SLC1A1: variants seen among roughly 807,000 people sequenced by gnomAD.
The protein encoded by SLC1A1 is excitatory amino acid transporter 3.
A neutral mutation model predicts 53.3 loss-of-function variants in SLC1A1; 43 were observed. That is an observed-to-expected ratio of 0.81 (90% CI 0.63 to 1.04). The LOEUF (loss-of-function observed/expected upper bound fraction) is 1.04. SLC1A1 is among the 50% of genes least tolerant of loss of function. The pLI is 0.00. For synonymous variants in SLC1A1, 307 were observed against 243.2 expected, an observed-to-expected ratio of 1.26 and a Z score of -2.44; for missense variants, 748 against 664.9, an observed-to-expected ratio of 1.12 and a Z score of -1.37.
At chr9:4,511,520 G>A (rs1046279712) in intron 1 of SLC1A1, among the ~76,000 whole-genome samples, 3 of 150,796 alleles carry the variant, frequency 2.0e-5, no homozygotes, top group Non-Finnish European at 4.4e-5. Flanking sequence ...CCATAGCAGA[G>A]GAGAAGAAAA....
intron 10 of SLC1A1, among the ~76,000 whole-genome samples, chr9:4,581,085 C>G (rs1165812909): frequency 6.6e-6 from 1 of 152,194 alleles, no homozygotes; most frequent in Non-Finnish European, 1.5e-5. Context: ...CTGTCCCCAT[C>G]TTACAGGCAA....
At chr9:4,528,714 G>A (rs147518726) in intron 1 of SLC1A1, among the ~76,000 whole-genome samples, 1 of 152,156 alleles carries the variant, frequency 6.6e-6, no homozygotes, top group Non-Finnish European at 1.5e-5. Context: ...GATAAATTGA[G>A]CCCTAACCTT....
Position 4,495,537 on chromosome 9 carries a change from A to AG in SLC1A1, c.91+4771dup, listed in dbSNP as rs1491559430. Among the ~76,000 whole-genome samples the AG allele has an allele frequency of 2.0e-5, 3 of 152,280 alleles. No homozygotes were observed. In the East Asian group the frequency reaches 5.8e-4, roughly 29 times the overall value. Reference sequence around the variant, plus strand: ...GGGTTGCAATTTTAAACAGGGTGACAGGGGAGGCCATACTGAGAAGGTGAC... The same window carrying AG: ...GGGTTGCAATTTTAAACAGGGTGACAGGGGGAGGCCATACTGAGAAGGTGAC... On this transcript the variant is annotated intron_variant, in intron 1 of 11. Coordinates refer to ENST00000262352, the MANE Select transcript of SLC1A1 (RefSeq NM_004170.6).
chr9:4,573,213 G>C (rs1461663011), intron 7 of SLC1A1, among the ~76,000 whole-genome samples: 1 of 152,128 alleles, frequency 6.6e-6, no homozygotes, highest in South Asian at 2.1e-4. Flanking sequence ...GGATGCATCT[G>C]TCTCGCTTAC....
chr9:4,585,238 G>T (rs1821482913), intron 11 of SLC1A1, 74 bp from the exon 12 acceptor site: 56 of 1,580,794 alleles, frequency 3.5e-5, no homozygotes, highest in Non-Finnish European at 4.3e-5. Flanking sequence ...AACATGTCAG[G>T]TCCTTGCATC....
In SLC1A1 at chr9:4,564,410, G is replaced by T; in HGVS notation, c.392G>T (p.Gly131Val). ...AAAGTGGGTGAAATTGCGAGGACAG[G>T]CAGCACCCCTGAAGTCAGTACGGTG... Reference protein sequence around the residue: ...TQKVGEIARTGSTPEVSTVDA... With the variant: ...TQKVGEIARTVSTPEVSTVDA... The change falls in exon 4 of 12, where the codon GGC becomes GTC. Residue 131 changes from glycine to valine, a missense_variant. Transcript: ENST00000262352. 1.9e-6 allele frequency: 3 copies of T among 1,613,882 alleles called. No homozygotes were observed. The South Asian group carries it at 3.3e-5, about 18-fold the overall frequency.
At chr9:4,530,556 C>G (rs1816430555) in intron 1 of SLC1A1, among the ~76,000 whole-genome samples, 1 of 152,172 alleles carries the variant, frequency 6.6e-6, no homozygotes, top group Non-Finnish European at 1.5e-5. Flanking sequence ...ATCAACTTTT[C>G]TTCTGAGTCA....
intron 1 of SLC1A1, among the ~76,000 whole-genome samples, chr9:4,521,808 G>C (rs1438942786): frequency 6.6e-6 from 1 of 150,746 alleles, no homozygotes; most frequent in Non-Finnish European, 1.5e-5. Context: ...AAGTGGGAGA[G>C]AAAGTCAGCG....
chr9:4,569,435 A>G (rs540792278), intron 6 of SLC1A1, among the ~76,000 whole-genome samples: 1 of 152,332 alleles, frequency 6.6e-6, no homozygotes, highest in South Asian at 2.1e-4. Flanking sequence ...ATTTGCTGCC[A>G]AAAGAGTTTG....
At chr9:4,567,623 A>C in intron 5 of SLC1A1, 46 bp from the exon 6 acceptor site, 1 of 1,317,790 alleles carries the variant, frequency 7.6e-7, no homozygotes, top group African/African-American at 1.4e-5. Flanking sequence ...AGCTTAAAAA[A>C]AATTCTTTTT....
At chr9:4,526,806 T>C (rs765469913) in intron 1 of SLC1A1, among the ~76,000 whole-genome samples, 8 of 151,648 alleles carry the variant, frequency 5.3e-5, no homozygotes, top group Non-Finnish European at 8.8e-5. Context: ...ATAGTTGTAG[T>C]AGGCAGTTCT....
At chr9:4,523,629 C>A (rs186267431) in intron 1 of SLC1A1, among the ~76,000 whole-genome samples, 1 of 152,200 alleles carries the variant, frequency 6.6e-6, no homozygotes, top group African/African-American at 2.4e-5. Context: ...ACTCTGTAAC[C>A]ATGACTTACC....
chr9:4,507,790 T>C (rs1013061349), intron 1 of SLC1A1, among the ~76,000 whole-genome samples: 2 of 152,154 alleles, frequency 1.3e-5, no homozygotes, highest in Non-Finnish European at 2.9e-5. Flanking sequence ...GGCCACCTTC[T>C]TTCTCCCAGA....
In SLC1A1 at chr9:4,556,277, C is replaced by T. The variant is rs946581415; in HGVS notation, c.233-5172C>T. 4.6e-5 allele frequency among the ~76,000 whole-genome samples: 7 copies of T among 152,292 alleles called. No individual in the cohort carries two copies. The highest frequency in any genetic ancestry group is 7.4e-5 in the Non-Finnish European group (5 of 68,020). On this transcript the variant is annotated intron_variant, in intron 2 of 11. Coordinates refer to ENST00000262352, the MANE Select transcript of SLC1A1 (RefSeq NM_004170.6). This position sits in a 1 kb window ranked among gnomAD's most constrained non-coding sequence, Gnocchi z 4.1. ...TCAGGTGATCCACCTGCCTGGGCCT[C>T]CCAAAGTGCTGGGATTACCGGCGTG...
chr9:4,517,448 C>G (rs1815891407), intron 1 of SLC1A1, among the ~76,000 whole-genome samples: 1 of 152,176 alleles, frequency 6.6e-6, no homozygotes. Flanking sequence ...CTCTGTGGTG[C>G]TGGCACGAAG....
intron 1 of SLC1A1, among the ~76,000 whole-genome samples, chr9:4,515,934 G>C (rs1036227008): frequency 2.6e-5 from 4 of 152,144 alleles, no homozygotes; most frequent in African/African-American, 4.8e-5. Flanking sequence ...AGTTAGCTAT[G>C]TTCCCTGGAG....
Position 4,575,165 on chromosome 9 carries a change from A to G in SLC1A1, c.876-836A>G, listed in dbSNP as rs186585244. On this transcript the variant is annotated intron_variant, in intron 8 of 11. Coordinates refer to ENST00000262352, the MANE Select transcript of SLC1A1 (RefSeq NM_004170.6). ...CATGGTTTTTAGCTACAAGCTCTCT[A>G]TCAAGAAGATCCTCTCGCCAGAACT... Among the ~76,000 whole-genome samples, 545 of 152,336 alleles carry G rather than the reference A, an allele frequency of 3.6e-3. 2 individuals carry two copies. The highest frequency in any genetic ancestry group is 5.8e-3 in the Non-Finnish European group (397 of 68,024).
intron 1 of SLC1A1, among the ~76,000 whole-genome samples, chr9:4,504,812 C>G (rs922928305): frequency 6.6e-6 from 1 of 152,046 alleles, no homozygotes; most frequent in Non-Finnish European, 1.5e-5. Flanking sequence ...ATTTAATATA[C>G]CTTTCACTGT....
intron 6 of SLC1A1, among the ~76,000 whole-genome samples, chr9:4,570,559 C>G (rs910371287): frequency 1.3e-5 from 2 of 151,914 alleles, no homozygotes; most frequent in South Asian, 4.2e-4. Context: ...TTAGTAGAGA[C>G]GGGGTTTCAC....
Sources: gnomAD v4.1 joint callset for allele counts (sites outside exome capture counted in the v4.1 genomes callset) on GRCh38, gnomAD v4.1.1 for gene constraint, Gnocchi (gnomAD v3.1) non-coding constraint, MANE v1.5 for transcripts, NCBI Gene and HGNC (gene_info 2026-07-23, HGNC 2026-07-21) for gene names.